Variants in SPATS2 observed in about 807,000 individuals in gnomAD.
The protein encoded by SPATS2 is spermatogenesis associated serine rich 2.
A neutral mutation model predicts 63.7 loss-of-function variants in SPATS2; 38 were observed. The ratio of observed to expected loss-of-function variants is 0.60; its 90% CI spans 0.46 to 0.78. SPATS2 has a LOEUF of 0.78. SPATS2 is among the 30% of genes least tolerant of loss of function. The pLI is 0.00. For missense variants in SPATS2, 588 were observed against 666.2 expected (o/e 0.88, Z 1.29); for synonymous variants, 207 against 232.9 (o/e 0.89, Z 1.01).
At chr12:49,504,722 T>G (rs1308580125) in intron 9 of SPATS2, among the ~76,000 whole-genome samples, 6 of 110,994 alleles carry the variant, frequency 5.4e-5, no homozygotes, top group Non-Finnish European at 1.1e-4. Flanking sequence ...CTCTATGTCC[T>G]TTTATTGGCG....
At position 49,500,168 on chromosome 12, in the gene SPATS2, A is replaced by T; in HGVS notation, c.802A>T (p.Lys268Ter). ...VVKEEMDASI[K>*]KMKQAFAELE... The stretch of plus-strand genomic sequence containing the variant: ...TAAAGAAGAGATGGATGCCTCCATT[A>T]AGAAAATGAAACAAGCCTTTGCTGA... Residue 268 changes from lysine to a stop codon, truncating the protein, a stop_gained, in exon 9 of 14, where the codon AAG (lysine) becomes TAG (stop). Coordinates refer to ENST00000552918, the MANE Select transcript of SPATS2 (RefSeq NM_023071.4). LOFTEE classifies it high-confidence loss of function. 1 of 1,610,762 alleles carries T rather than the reference A, an allele frequency of 6.2e-7. No homozygotes were observed.
intron 2 of SPATS2, among the ~76,000 whole-genome samples, chr12:49,374,958 CA>C (rs10687716): frequency 0.012 from 306 of 24,718 alleles, no homozygotes; most frequent in East Asian, 0.057. Flanking sequence ...GGATCTGTCT[CA>C]AAAAAAAAAA....
chr12:49,421,814 A>T (rs1024054604), intron 2 of SPATS2, among the ~76,000 whole-genome samples: 2 of 152,204 alleles, frequency 1.3e-5, no homozygotes, highest in African/African-American at 2.4e-5. Context: ...AATTTGGACT[A>T]TGTACGCTAC....
chr12:49,441,354 C>T (rs925033323), intron 2 of SPATS2, among the ~76,000 whole-genome samples: 2 of 152,136 alleles, frequency 1.3e-5, no homozygotes, highest in Non-Finnish European at 2.9e-5. Context: ...TATCTCTTCT[C>T]GTTCAGATCT....
chr12:49,484,159 A>G (rs1946251299), intron 3 of SPATS2, among the ~76,000 whole-genome samples: 1 of 152,240 alleles, frequency 6.6e-6, no homozygotes, highest in African/African-American at 2.4e-5. Context: ...TACAAACATA[A>G]CATGTATGGT....
chr12:49,507,846 A>G (rs888054140), intron 9 of SPATS2, among the ~76,000 whole-genome samples: 1 of 152,240 alleles, frequency 6.6e-6, no homozygotes, highest in East Asian at 1.9e-4. Context: ...ATACGATTGC[A>G]TTTTACTAAA....
intron 2 of SPATS2, among the ~76,000 whole-genome samples, chr12:49,398,019 TG>T (rs1944541518): frequency 6.8e-6 from 1 of 147,936 alleles, no homozygotes; most frequent in African/African-American, 2.5e-5. Flanking sequence ...TGTGAGCCTG[TG>T]GTCTCAGCTA....
At chr12:49,483,059 G>T (rs1946232335) in intron 3 of SPATS2, among the ~76,000 whole-genome samples, 1 of 147,116 alleles carries the variant, frequency 6.8e-6, no homozygotes, top group Non-Finnish European at 1.5e-5. Flanking sequence ...AAAATGTTCG[G>T]ATTATAGGCG....
At chr12:49,495,203 T>G (rs1284296723) in intron 7 of SPATS2, among the ~76,000 whole-genome samples, 1 of 151,656 alleles carries the variant, frequency 6.6e-6, no homozygotes, top group Non-Finnish European at 1.5e-5. Flanking sequence ...AATACAATTC[T>G]TTTTTTTTGA....
intron 3 of SPATS2, 92 bp from the exon 4 acceptor site, chr12:49,484,498 T>C: frequency 2.4e-6 from 3 of 1,225,078 alleles, no homozygotes; most frequent in Admixed American, 2.3e-5. Flanking sequence ...TTAATTGTTT[T>C]ATGGGACGAA....
chr12:49,457,834 A>C (rs1945746787), intron 2 of SPATS2, among the ~76,000 whole-genome samples: 1 of 151,960 alleles, frequency 6.6e-6, no homozygotes, highest in South Asian at 2.1e-4. Flanking sequence ...TTTTTTCTAA[A>C]ATCTTATTAA....
chr12:49,456,596 A>C (rs1427185694), intron 2 of SPATS2, among the ~76,000 whole-genome samples: 2 of 152,352 alleles, frequency 1.3e-5, no homozygotes, highest in South Asian at 4.1e-4. Context: ...AATAGCAGCG[A>C]GAGTGGCAGA....
chr12:49,409,386 A>C (rs1166585533), intron 2 of SPATS2, among the ~76,000 whole-genome samples: 1 of 151,794 alleles, frequency 6.6e-6, no homozygotes, highest in African/African-American at 2.4e-5. Context: ...GCTCACTGCA[A>C]GCTCCGCCTC....
chr12:49,430,888 T>C (rs1298660527), intron 2 of SPATS2, among the ~76,000 whole-genome samples: 3 of 151,982 alleles, frequency 2.0e-5, no homozygotes, highest in African/African-American at 7.2e-5. Flanking sequence ...TTAGTAGTGA[T>C]GGAGTTTCAC....
At position 49,494,917 on chromosome 12, in the gene SPATS2, C is replaced by T; in HGVS notation, c.441C>T (p.Leu147=). The change falls in exon 7 of 14, where the codon CTC becomes CTT. Residue 147 remains leucine (L), a synonymous_variant. Transcript: ENST00000552918. ...ATGACACTGAGTCTGTGGACTCACTCAGTGAAGGTTTGGAGACACTTTCAA... is the reference window on the plus strand; with the variant it reads ...ATGACACTGAGTCTGTGGACTCACTTAGTGAAGGTTTGGAGACACTTTCAA... ...AINDTESVDS[L]SEGLETLSID... is the part of the protein sequence containing the mutation. 4 of 1,613,918 alleles carry T rather than the reference C, an allele frequency of 2.5e-6. No individual in the cohort carries two copies. Among genetic ancestry groups the T allele is most frequent in the Non-Finnish European group, 3.4e-6 (4 of 1,179,984 alleles).
At position 49,466,636 on chromosome 12, in the gene SPATS2, T is replaced by C. The variant is rs576423057; in HGVS notation, c.25+5599T>C. 2.6e-5 allele frequency among the ~76,000 whole-genome samples: 4 copies of C among 152,298 alleles called. No individual in the cohort carries two copies. In the East Asian group the frequency reaches 5.8e-4, roughly 22 times the overall value. ...TGTGAAGATTTATTTCTGGACTCTG[T>C]TCTGTTACATTGATGTATATGTCTG... On this transcript the variant is annotated intron_variant, in intron 3 of 13. Coordinates refer to ENST00000552918, the MANE Select transcript of SPATS2 (RefSeq NM_023071.4).
chr12:49,493,216 T>C (rs943667987), intron 6 of SPATS2, among the ~76,000 whole-genome samples: 1 of 152,108 alleles, frequency 6.6e-6, no homozygotes, highest in Non-Finnish European at 1.5e-5. Flanking sequence ...GGGGAAAAAT[T>C]GATTCAGTTA....
At chr12:49,501,438 A>T (rs1236015334) in intron 9 of SPATS2, among the ~76,000 whole-genome samples, 2 of 152,166 alleles carry the variant, frequency 1.3e-5, no homozygotes, top group African/African-American at 4.8e-5. Context: ...CTCTCCCCTC[A>T]TGACCTAATC....
chr12:49,370,600 G>C (rs1052086034), intron 1 of SPATS2, among the ~76,000 whole-genome samples: 2 of 152,164 alleles, frequency 1.3e-5, no homozygotes, highest in African/African-American at 4.8e-5. Flanking sequence ...AGTGAAGCTT[G>C]CCTGTTACAG....
Sources: gnomAD v4.1 joint callset for allele counts (sites outside exome capture counted in the v4.1 genomes callset) on GRCh38, gnomAD v4.1.1 for gene constraint, MANE v1.5 for transcripts, NCBI Gene and HGNC (gene_info 2026-07-23, HGNC 2026-07-21) for gene names.